SLFN12L: variants seen among roughly 807,000 people sequenced by gnomAD.
SLFN12L encodes the protein schlafen family member 12-like.
In SLFN12L, 34 loss-of-function variants were observed where a neutral mutation model predicts 34.8. That is an observed-to-expected ratio of 0.98 (90% CI 0.74 to 1.30). The LOEUF (loss-of-function observed/expected upper bound fraction) is 1.30, where lower values mean the gene tolerates loss of function less well. Ranked by LOEUF, SLFN12L falls within the 50% of genes most tolerant of loss-of-function variation. SLFN12L has a pLI of 0.00. For missense variants in SLFN12L, 703 were observed against 696.2 expected, an observed-to-expected ratio of 1.01 and a Z score of -0.11; for synonymous variants, 259 against 247.5, an observed-to-expected ratio of 1.05 and a Z score of -0.44.
intron 1 of SLFN12L, among the ~76,000 whole-genome samples, chr17:35,525,156 A>G (rs1249863853): frequency 6.6e-6 from 1 of 152,098 alleles, no homozygotes; most frequent in Non-Finnish European, 1.5e-5. Context: ...ACAAGAATAG[A>G]GAAAAAAGAA....
In SLFN12L at chr17:35,530,526, A is replaced by G. The variant is rs960332396; in HGVS notation, c.-606+7047T>C. On this transcript the variant is annotated intron_variant, in intron 1 of 4. Coordinates refer to ENST00000628453, the MANE Select transcript of SLFN12L (RefSeq NM_001363830.2). ...AAAGAAAGAAAGAAAAGAAAAGAAA[A>G]GAAAAGAAAAGAAAAGAAAGAAAGA... Among the ~76,000 whole-genome samples the G allele has an allele frequency of 7.9e-4, 37 of 46,562 alleles. 1 individual carries two copies. The highest frequency in any genetic ancestry group is 1.7e-3 in the Admixed American group (9 of 5,284). 30.5% of individuals were successfully genotyped at this position (46,562 alleles called of 152,430 possible). A position where few individuals can be genotyped will look rare whatever the true frequency, so the allele number is the denominator to read the frequency against.
chr17:35,492,074 G>A lies in SLFN12L; in HGVS notation c.87-11879C>T, dbSNP rs572945434. Among the ~76,000 whole-genome samples, 24 of 152,264 alleles carry A rather than the reference G, an allele frequency of 1.6e-4. No homozygotes were observed. In the South Asian group the frequency reaches 2.1e-3, roughly 13 times the overall value. ...TTTTATTTTTTTAGCTGCCATTTAA[G>A]CATTCCTGTGGCACCCATCACCATT... On this transcript the variant is annotated intron_variant, in intron 2 of 4. Transcript: ENST00000628453.
In SLFN12L at chr17:35,487,768, A is replaced by T. The variant is rs780576875; in HGVS notation, c.87-7573T>A. On this transcript the variant is annotated intron_variant, in intron 2 of 4. Transcript: ENST00000628453. ...TGCGCACTCTTCACCAAGTAGGGGG[A>T]CCTGAGTTCTTTTCCACTTTCCTGC... 6.5e-6 allele frequency: 10 copies of T among 1,535,898 alleles called. No individual in the cohort carries two copies. The South Asian group carries it at 1.2e-4, about 18-fold the overall frequency.
chr17:35,491,321 C>T, intron 2 of SLFN12L: 2 of 529,960 alleles, frequency 3.8e-6, no homozygotes, highest in Non-Finnish European at 6.6e-6. Flanking sequence ...AATGTTGTCC[C>T]TTCCTACTTT....
intron 2 of SLFN12L, among the ~76,000 whole-genome samples, chr17:35,511,947 G>A (rs193253357): frequency 1.8e-4 from 28 of 152,112 alleles, no homozygotes; most frequent in Admixed American, 7.2e-4. Flanking sequence ...AGTGTACAAC[G>A]TTAGCACATG....
At chr17:35,493,424 C>T (rs987910669) in intron 2 of SLFN12L, among the ~76,000 whole-genome samples, 2 of 152,218 alleles carry the variant, frequency 1.3e-5, no homozygotes, top group Non-Finnish European at 2.9e-5. Flanking sequence ...AGCTGATTTT[C>T]TCCAAAGTCT....
intron 2 of SLFN12L, among the ~76,000 whole-genome samples, chr17:35,489,761 C>T (rs973214782): frequency 6.6e-6 from 1 of 152,112 alleles, no homozygotes; most frequent in African/African-American, 2.4e-5. Context: ...GAAAGTTATC[C>T]TCAGAAAGAA....
At chr17:35,502,416 G>GAAAAAAAAAA (rs1161388791) in intron 2 of SLFN12L, among the ~76,000 whole-genome samples, 3 of 25,250 alleles carry the variant, frequency 1.2e-4, no homozygotes, top group African/African-American at 3.7e-4. Flanking sequence ...GTATCCTAAG[G>GAAAAAAAAAA]AAAAAAAAAA....
rs936636596 is a variant in SLFN12L, at chr17:35,468,974, C to G, written c.*5949G>C. On this transcript the variant is annotated 3_prime_UTR_variant, in exon 5 of 5. Coordinates refer to ENST00000628453, the MANE Select transcript of SLFN12L (RefSeq NM_001363830.2). ...AAGGCTGTAATGAGCTATGACCACA[C>G]CACTGCACTCCAGCCTCGGTGACAA... is the stretch of plus-strand genomic sequence containing the variant. Among the ~76,000 whole-genome samples the G allele has an allele frequency of 6.6e-6, 1 of 152,116 alleles. No individual in the cohort carries two copies. The highest frequency in any genetic ancestry group is 2.4e-5 in the African/African-American group (1 of 41,404).
At position 35,465,738 on chromosome 17, in the gene SLFN12L, C is replaced by T. The variant is rs1295026801; in HGVS notation, c.*9185G>A. On this transcript the variant is annotated 3_prime_UTR_variant, in exon 5 of 5. Coordinates refer to ENST00000628453, the MANE Select transcript of SLFN12L (RefSeq NM_001363830.2). ...TACAACATTATTGCTGTGGTCTTGT[C>T]GACTAGGGCCTCATAGCCAGTATCT... 4.5e-4 allele frequency among the ~76,000 whole-genome samples: 67 copies of T among 148,842 alleles called. No homozygotes were observed. The highest frequency in any genetic ancestry group is 4.5e-3 in the Admixed American group (66 of 14,714).
At chr17:35,498,069 G>A in intron 2 of SLFN12L, 1 of 531,916 alleles carries the variant, frequency 1.9e-6, no homozygotes, top group Non-Finnish European at 3.3e-6. Context: ...CGCCCAGAGC[G>A]GCGGCGAGGG....
chr17:35,534,385 G>A (rs2072439474), intron 1 of SLFN12L, among the ~76,000 whole-genome samples: 1 of 152,100 alleles, frequency 6.6e-6, no homozygotes, highest in African/African-American at 2.4e-5. Context: ...GTAATGGGAA[G>A]CCATTGGAGG....
chr17:35,513,386 AATGAC>A (rs1915717950), intron 2 of SLFN12L, among the ~76,000 whole-genome samples: 1 of 152,232 alleles, frequency 6.6e-6, no homozygotes, highest in Admixed American at 6.5e-5. Context: ...AAACAAGGTT[AATGAC>A]ACTTAAAAAG....
At position 35,490,881 on chromosome 17, in the gene SLFN12L, G is replaced by C; in HGVS notation, c.87-10686C>G. The C allele has an allele frequency of 3.5e-6, 3 of 858,792 alleles. No individual in the cohort carries two copies. The South Asian group carries it at 4.0e-5, about 11-fold the overall frequency. 53.2% of individuals were successfully genotyped at this position (858,792 alleles called of 1,614,324 possible). On this transcript the variant is annotated intron_variant, in intron 2 of 4. Transcript: ENST00000628453. ...TTGAGGTTTACTTATGTCCAGAAGAGACTGAAACACAGTCCAATGACAACA... is the reference window on the plus strand; with the variant it reads ...TTGAGGTTTACTTATGTCCAGAAGACACTGAAACACAGTCCAATGACAACA...
Position 35,471,136 on chromosome 17 carries a change from CT to C in SLFN12L, c.*3786del, listed in dbSNP as rs57980615. On this transcript the variant is annotated 3_prime_UTR_variant, in exon 5 of 5. Coordinates refer to ENST00000628453, the MANE Select transcript of SLFN12L (RefSeq NM_001363830.2). ...GCAATAAACATATGTGTGCATGTGT[CT>C]TTTTTTTTTTTTTTCTGAGACAGAG... Among the ~76,000 whole-genome samples, 3,107 of 142,478 alleles carry C rather than the reference CT, an allele frequency of 0.022. 71 individuals carry two copies. The highest frequency in any genetic ancestry group is 0.059 in the East Asian group (290 of 4,904). 93.5% of individuals were successfully genotyped at this position (142,478 alleles called of 152,430 possible). A position where few individuals can be genotyped will look rare whatever the true frequency, so the allele number is the denominator to read the frequency against.
chr17:35,471,999 A>G lies in SLFN12L; in HGVS notation c.*2924T>C, dbSNP rs541011385. Among the ~76,000 whole-genome samples, 77 of 152,220 alleles carry G rather than the reference A, an allele frequency of 5.1e-4. 1 individual carries two copies. The highest frequency in any genetic ancestry group is 1.8e-3 in the African/African-American group (73 of 41,520). ...GGGTAGATTGCAAAAATTTTCTCCC[A>G]TTCTGTAGGTTGTCCGTTCACTCTG... On this transcript the variant is annotated 3_prime_UTR_variant, in exon 5 of 5. Coordinates refer to ENST00000628453, the MANE Select transcript of SLFN12L (RefSeq NM_001363830.2).
intron 1 of SLFN12L, among the ~76,000 whole-genome samples, chr17:35,536,472 T>C (rs1047987739): frequency 4.6e-5 from 7 of 152,162 alleles, no homozygotes; most frequent in Non-Finnish European, 7.3e-5. Context: ...CCAGTCAATA[T>C]AGCTTAAGTT....
intron 2 of SLFN12L, chr17:35,490,951 G>A: frequency 1.3e-6 from 1 of 785,612 alleles, no homozygotes; most frequent in South Asian, 1.4e-5. Context: ...CCACCTCGTT[G>A]GTTTCAACCA....
At chr17:35,483,172 T>C (rs1255125355) in intron 2 of SLFN12L, among the ~76,000 whole-genome samples, 1 of 151,714 alleles carries the variant, frequency 6.6e-6, no homozygotes, top group African/African-American at 2.4e-5. Context: ...CAGTAGCAGA[T>C]AGAAGCTACC....
Sources: gnomAD v4.1 joint callset for allele counts (sites outside exome capture counted in the v4.1 genomes callset) on GRCh38, gnomAD v4.1.1 for gene constraint, MANE v1.5 for transcripts, NCBI Gene and HGNC (gene_info 2026-07-23, HGNC 2026-07-21) for gene names.